LCOR: variants seen among roughly 807,000 people sequenced by gnomAD.
The protein encoded by LCOR is ligand dependent nuclear receptor corepressor.
Under a neutral mutation model 64.4 loss-of-function variants are expected in LCOR, and 14 were observed. The ratio of observed to expected loss-of-function variants is 0.22; its 90% CI spans 0.14 to 0.34. The LOEUF (loss-of-function observed/expected upper bound fraction) is 0.34, where lower values mean the gene tolerates loss of function less well. Ranked by LOEUF, LCOR falls within the 10% of genes least tolerant of loss-of-function variation. The pLI is 1.00. For synonymous variants in LCOR, 643 were observed against 642.5 expected (o/e 1.00, Z -0.01); for missense variants, 1,686 against 1,765.3 (o/e 0.96, Z 0.80).
chr10:96,921,770 C>T (rs1847085917), intron 4 of LCOR, among the ~76,000 whole-genome samples: 1 of 152,202 alleles, frequency 6.6e-6, no homozygotes. Flanking sequence ...AGCCCAGCTT[C>T]ATTAGCAGCA....
chr10:96,895,435 T>C (rs1416809300), intron 2 of LCOR, among the ~76,000 whole-genome samples: 1 of 152,216 alleles, frequency 6.6e-6, no homozygotes, highest in Non-Finnish European at 1.5e-5. Context: ...CCCTATCTCT[T>C]GCCAAGGCTG....
chr10:96,865,911 A>G lies in LCOR; in HGVS notation c.-330+32432A>G, dbSNP rs1589615465. Reference sequence around the variant, plus strand: ...AAAAAAAAGGAAAAAGAAATAGAGCACTGCCAGCCTCCTTGAAGGTTTGCT... The same window carrying G: ...AAAAAAAAGGAAAAAGAAATAGAGCGCTGCCAGCCTCCTTGAAGGTTTGCT... On this transcript the variant is annotated intron_variant, in intron 2 of 7. Transcript: ENST00000421806. 2.6e-5 allele frequency among the ~76,000 whole-genome samples: 4 copies of G among 150,968 alleles called. No homozygotes were observed. The South Asian group carries it at 8.3e-4, about 31-fold the overall frequency.
chr10:96,869,569 C>CTT (rs1267246069), intron 2 of LCOR, among the ~76,000 whole-genome samples: 84 of 134,068 alleles, frequency 6.3e-4, no homozygotes, highest in African/African-American at 1.6e-3. Flanking sequence ...TTGGTTCTTT[C>CTT]TTTTTTTTTT....
intron 7 of LCOR, among the ~76,000 whole-genome samples, chr10:96,969,666 A>G (rs1236961646): frequency 2.6e-5 from 4 of 152,156 alleles, no homozygotes; most frequent in Non-Finnish European, 5.9e-5. Flanking sequence ...TGCCTATTTA[A>G]TGTGGTTTTA....
intron 4 of LCOR, among the ~76,000 whole-genome samples, chr10:96,920,534 A>G (rs1305263602): frequency 2.8e-5 from 4 of 143,128 alleles, no homozygotes; most frequent in Non-Finnish European, 6.0e-5. Context: ...ATGTGTATAT[A>G]TGTATGTATA....
At position 96,957,088 on chromosome 10, in the gene LCOR, C is replaced by G. The variant is rs957376088; in HGVS notation, c.332+4892C>G. On this transcript the variant is annotated intron_variant, in intron 7 of 7. Coordinates refer to ENST00000421806, the MANE Select transcript of LCOR (RefSeq NM_001346516.2). ...AGGATGCATATCAGTTCTAACAATT[C>G]AATCAGAAGTCAAGCTCATTGGAAT... is the stretch of plus-strand genomic sequence containing the variant. 9 of 984,994 alleles carry G rather than the reference C, an allele frequency of 9.1e-6. No homozygotes were observed. The African/African-American group carries it at 1.6e-4, about 17-fold the overall frequency. 61.0% of individuals were successfully genotyped at this position (984,994 alleles called of 1,614,324 possible). A position where few individuals can be genotyped will look rare whatever the true frequency, so the allele number is the denominator to read the frequency against.
chr10:96,965,477 A>G (rs1236228786), intron 7 of LCOR, among the ~76,000 whole-genome samples: 1 of 150,672 alleles, frequency 6.6e-6, no homozygotes, highest in African/African-American at 2.4e-5. Context: ...CCTGGCTAAC[A>G]CAGTGAAACC....
intron 4 of LCOR, among the ~76,000 whole-genome samples, chr10:96,934,128 TTAAAG>T (rs576062878): frequency 7.7e-4 from 117 of 152,350 alleles, no homozygotes; most frequent in Middle Eastern, 3.4e-3. Context: ...AAAGTTATCT[TTAAAG>T]TAATCCAGAT....
intron 2 of LCOR, among the ~76,000 whole-genome samples, chr10:96,860,533 C>A (rs1589611568): frequency 2.0e-5 from 3 of 152,202 alleles, no homozygotes; most frequent in Admixed American, 2.0e-4. Flanking sequence ...TTTCTGACTT[C>A]TAGCCTCTAG....
chr10:96,908,492 C>G (rs1846768685), intron 4 of LCOR, among the ~76,000 whole-genome samples: 1 of 151,926 alleles, frequency 6.6e-6, no homozygotes, highest in African/African-American at 2.4e-5. Context: ...CTTTAAGACA[C>G]TTCTTCATAA....
At chr10:96,876,462 A>G (rs1846165608) in intron 2 of LCOR, among the ~76,000 whole-genome samples, 1 of 152,252 alleles carries the variant, frequency 6.6e-6, no homozygotes, top group African/African-American at 2.4e-5. Flanking sequence ...AGGCCTTTAA[A>G]TTATAAAGGA....
intron 4 of LCOR, among the ~76,000 whole-genome samples, chr10:96,917,976 A>G (rs1234355881): frequency 6.6e-6 from 1 of 152,174 alleles, no homozygotes; most frequent in East Asian, 1.9e-4. Context: ...GGTGAGAGTG[A>G]ACATTTAATT....
chr10:96,995,784 C>G lies in LCOR; in HGVS notation c.*10650C>G, dbSNP rs1848237353. 1 of 152,174 alleles carries G rather than the reference C, an allele frequency of 6.6e-6. No individual in the cohort carries two copies. Among genetic ancestry groups the G allele is most frequent in the Admixed American group, 6.5e-5 (1 of 15,278 alleles). The allele number at this position is 152,174 out of a possible 1,614,324, so 9.4% of individuals were successfully genotyped here. A position where few individuals can be genotyped will look rare whatever the true frequency, so the allele number is the denominator to read the frequency against. On this transcript the variant is annotated 3_prime_UTR_variant, in exon 8 of 8. Coordinates refer to ENST00000421806, the MANE Select transcript of LCOR (RefSeq NM_001346516.2). The surrounding 1 kb of genome is among the most constrained non-coding windows in gnomAD (Gnocchi z 4.2). ...TTGGTAGAGGGGCCCTCACTGAAAT[C>G]CAAGCTTGGAAGGATGTCCTGTGTT...
intron 2 of LCOR, among the ~76,000 whole-genome samples, chr10:96,867,712 C>G (rs182458481): frequency 5.9e-4 from 90 of 152,160 alleles, no homozygotes; most frequent in African/African-American, 2.1e-3. Flanking sequence ...GCCTGGATAA[C>G]ATAGCAAAAC....
At position 96,960,555 on chromosome 10, in the gene LCOR, G is replaced by A. The variant is rs1414192329; in HGVS notation, c.332+8359G>A. ...ATAGAATATGGCAATAGACAGAATT[G>A]TGCTCCACTTTATGTTTTTTAGGAG... On this transcript the variant is annotated intron_variant, in intron 7 of 7. Coordinates refer to ENST00000421806, the MANE Select transcript of LCOR (RefSeq NM_001346516.2). 2.6e-5 allele frequency: 4 copies of A among 152,272 alleles called. No homozygotes were observed. The East Asian group carries it at 5.8e-4, about 22-fold the overall frequency. The allele number at this position is 152,272 out of a possible 1,614,324, so 9.4% of individuals were successfully genotyped here.
At chr10:96,850,389 A>C (rs917844760) in intron 2 of LCOR, among the ~76,000 whole-genome samples, 1 of 152,228 alleles carries the variant, frequency 6.6e-6, no homozygotes, top group African/African-American at 2.4e-5. Context: ...ATATTTAAAA[A>C]GAAAGATCAA....
At chr10:96,955,252 G>A (rs778920176) in intron 7 of LCOR, 1 of 1,614,104 alleles carries the variant, frequency 6.2e-7, no homozygotes, top group African/African-American at 1.3e-5. Context: ...AAGTTCAGGG[G>A]AAATGGTGCA....
At chr10:96,900,584 A>C (rs937751058) in intron 2 of LCOR, among the ~76,000 whole-genome samples, 7 of 152,120 alleles carry the variant, frequency 4.6e-5, no homozygotes, top group Non-Finnish European at 7.4e-5. Context: ...CAAAAATAGT[A>C]TGAAAATGAA....
chr10:96,962,208 G>A (rs1303398907), intron 7 of LCOR: 5 of 151,976 alleles, frequency 3.3e-5, no homozygotes, highest in African/African-American at 1.2e-4. Context: ...CTCTTGTTAA[G>A]CATTTCAAGC....
Sources: gnomAD v4.1 joint callset for allele counts (sites outside exome capture counted in the v4.1 genomes callset) on GRCh38, gnomAD v4.1.1 for gene constraint, Gnocchi (gnomAD v3.1) non-coding constraint, MANE v1.5 for transcripts, NCBI Gene and HGNC (gene_info 2026-07-23, HGNC 2026-07-21) for gene names.